EP300: variants seen among roughly 807,000 people sequenced by gnomAD.
The protein encoded by EP300 is EP300 lysine acetyltransferase, also known as histone acetyltransferase p300.
EP300 carries 31 observed loss-of-function variants against 264.0 expected under a neutral mutation model. That is an observed-to-expected ratio of 0.12 (90% confidence interval 0.09 to 0.16). EP300 has a LOEUF of 0.16. Ranked by LOEUF, EP300 falls within the 10% of genes least tolerant of loss-of-function variation. The pLI is 1.00. For missense variants in EP300, 2,766 were observed against 3,052.9 expected, an observed-to-expected ratio of 0.91 and a Z score of 2.21; for synonymous variants, 1,340 against 1,045.4, an observed-to-expected ratio of 1.28 and a Z score of -5.44.
In EP300 at chr22:41,160,725, A is replaced by AAGT. The variant is rs774612000; in HGVS notation, c.3671+5_3671+7dup. On this transcript the variant is annotated splice_donor_region_variant and intron_variant, in intron 20 of 30. Transcript: ENST00000263253. ...GATGACCCTTCCCAGCCTCAAACGT[A>AAGT]AGTAACTGCATTATTTTGAAAAGTG... 2.3e-5 allele frequency: 37 copies of AAGT among 1,613,420 alleles called. No homozygotes were observed. Among genetic ancestry groups the AAGT allele is most frequent in the Admixed American group, 5.0e-5 (3 of 60,000 alleles).
chr22:41,138,372 C>G (rs1432675653), intron 8 of EP300, among the ~76,000 whole-genome samples: 1 of 152,146 alleles, frequency 6.6e-6, no homozygotes, highest in African/African-American at 2.4e-5. Flanking sequence ...CTGTGTTGGT[C>G]ACGCTGACTT....
intron 1 of EP300, among the ~76,000 whole-genome samples, chr22:41,108,322 C>T (rs1392252303): frequency 3.5e-5 from 5 of 143,338 alleles, no homozygotes; most frequent in African/African-American, 5.2e-5. Flanking sequence ...GATCATGGCT[C>T]GCTGCAACCT....
Position 41,138,660 on chromosome 22 carries a change from G to C in EP300, c.1760+870G>C, listed in dbSNP as rs2058965582. On this transcript the variant is annotated intron_variant, in intron 8 of 30. Coordinates refer to ENST00000263253, the MANE Select transcript of EP300 (RefSeq NM_001429.4). ...CATATAGAGCAAGGTAATGAAATGT[G>C]CTCAGCATCATAAAAAGGTAGAGCT... Among the ~76,000 whole-genome samples the C allele has an allele frequency of 3.3e-5, 5 of 152,274 alleles. 1 individual carries two copies. The South Asian group carries it at 1.0e-3, about 32-fold the overall frequency.
rs566376664 is a variant in EP300, at chr22:41,152,048, G to T, written c.2997+36G>T. The T allele has an allele frequency of 2.2e-4, 348 of 1,612,652 alleles. 3 individuals are homozygous for T. In the South Asian group the frequency reaches 3.7e-3, roughly 17 times the overall value. On this transcript the variant is annotated intron_variant, in intron 15 of 30. Transcript: ENST00000263253. ...GGCAATTACTGTTTGATTTGGTTAG[G>T]ACCTCAGTATAGGAACCCAAGTTTT...
chr22:41,121,461 T>TC (rs1217477928), intron 2 of EP300, among the ~76,000 whole-genome samples: 1 of 152,132 alleles, frequency 6.6e-6, no homozygotes, highest in Non-Finnish European at 1.5e-5. Context: ...ATTTTCTAAT[T>TC]CCTCAGCAGA....
At chr22:41,119,535 A>T (rs1223012061) in intron 2 of EP300, among the ~76,000 whole-genome samples, 1 of 152,186 alleles carries the variant, frequency 6.6e-6, no homozygotes, top group African/African-American at 2.4e-5. Context: ...CTTTAGGGTT[A>T]AAGTAGTGAA....
chr22:41,145,504 A>G (rs977180823), intron 10 of EP300, among the ~76,000 whole-genome samples: 9 of 152,250 alleles, frequency 5.9e-5, no homozygotes, highest in African/African-American at 1.7e-4. Flanking sequence ...CCAGGTCACT[A>G]CAGACATCTG....
intron 19 of EP300, chr22:41,159,096 C>G (rs1039388134): frequency 3.9e-5 from 6 of 154,542 alleles, no homozygotes; most frequent in African/African-American, 1.4e-4. Context: ...TTCTCCTGCC[C>G]AATCAATGGC....
intron 2 of EP300, among the ~76,000 whole-genome samples, chr22:41,122,675 G>GT (rs992844053): frequency 2.6e-4 from 38 of 146,196 alleles, no homozygotes; most frequent in Admixed American, 1.3e-3. Flanking sequence ...ACATTTTTTT[G>GT]TTTTTTTTAA....
intron 27 of EP300, 149 bp downstream of exon 27, chr22:41,170,720 G>C (rs1177138461): frequency 9.0e-6 from 8 of 883,978 alleles, no homozygotes; most frequent in South Asian, 1.7e-5. Context: ...GGAGTGCAGT[G>C]ACACGATTTT....
chr22:41,139,057 G>A lies in EP300; in HGVS notation c.1761-1083G>A, dbSNP rs138272775. ...AACCTCCCGTCTCCTGGGTTCAAGC[G>A]TTTCTCCTGTCTCATCCTCCCAAGT... On this transcript the variant is annotated intron_variant, in intron 8 of 30. Transcript: ENST00000263253. Among the ~76,000 whole-genome samples the A allele has an allele frequency of 8.5e-5, 13 of 152,116 alleles. No individual in the cohort carries two copies. In the East Asian group the frequency reaches 1.9e-3, roughly 23 times the overall value.
At chr22:41,162,569 C>T (rs1047573627) in intron 20 of EP300, among the ~76,000 whole-genome samples, 154 bp from the exon 21 acceptor site, 2 of 152,128 alleles carry the variant, frequency 1.3e-5, no homozygotes, top group East Asian at 1.9e-4. Flanking sequence ...CATAAACATG[C>T]ATTTTGTGTG....
Position 41,179,890 on chromosome 22 carries a change from A to T in EP300, c.*934A>T, listed in dbSNP as rs1372226506. The T allele has an allele frequency of 2.7e-5, 2 of 74,200 alleles. No individual in the cohort carries two copies. The highest frequency in any genetic ancestry group is 2.7e-5 in the Non-Finnish European group (1 of 37,228). The allele number at this position is 74,200 out of a possible 1,614,324, so 4.6% of individuals were successfully genotyped here. A position where few individuals can be genotyped will look rare whatever the true frequency, so the allele number is the denominator to read the frequency against. ...TACCCTACCCCCCACTCACACACAC[A>T]CACACACACACACACACACACACAC... On this transcript the variant is annotated 3_prime_UTR_variant, in exon 31 of 31. Transcript: ENST00000263253.
Position 41,131,395 on chromosome 22 carries a change from G to A in EP300, c.1290G>A (p.Leu430=), listed in dbSNP as rs1601607015. The part of the protein sequence containing the change: ...AGDKRNQQPI[L]TGAPVGLGNP... Reference sequence around the variant, plus strand: ...ATCTTTTGTCTTCTCTAGCAATTTTGACTGGAGCACCCGTTGGACTTGGAA... The same window carrying A: ...ATCTTTTGTCTTCTCTAGCAATTTTAACTGGAGCACCCGTTGGACTTGGAA... The change falls in exon 6 of 31, where the codon TTG becomes TTA. Residue 430 remains leucine, a synonymous_variant. Coordinates refer to ENST00000263253, the MANE Select transcript of EP300 (RefSeq NM_001429.4). The A allele has an allele frequency of 6.2e-7, 1 of 1,613,542 alleles. No individual in the cohort carries two copies. The highest frequency in any genetic ancestry group is 8.5e-7 in the Non-Finnish European group (1 of 1,179,964).
intron 10 of EP300, among the ~76,000 whole-genome samples, chr22:41,142,743 G>A (rs142411747): frequency 1.2e-3 from 187 of 152,168 alleles, no homozygotes; most frequent in Non-Finnish European, 2.0e-3. Context: ...ACAATTAGCC[G>A]GGCATGGTGG....
intron 1 of EP300, among the ~76,000 whole-genome samples, chr22:41,101,613 A>G (rs2145677348): frequency 6.6e-6 from 1 of 151,800 alleles, no homozygotes; most frequent in East Asian, 1.9e-4. Flanking sequence ...GGGTTTCACC[A>G]TGTTAGGCAG....
intron 1 of EP300, among the ~76,000 whole-genome samples, chr22:41,102,293 A>C (rs2058736265): frequency 6.6e-6 from 1 of 152,110 alleles, no homozygotes; most frequent in Non-Finnish European, 1.5e-5. Flanking sequence ...TTTGGGAAGT[A>C]CGTATATAGT....
intron 1 of EP300, among the ~76,000 whole-genome samples, chr22:41,106,633 T>C (rs575518075): frequency 1.8e-4 from 28 of 152,282 alleles, no homozygotes; most frequent in Middle Eastern, 3.4e-3. Context: ...TAAGTGTTTT[T>C]TGTTGTTTGT....
intron 6 of EP300, among the ~76,000 whole-genome samples, chr22:41,134,163 C>CTTTTTTTTTTTTTTTTTTTTTTTTTCT (rs11362436): frequency 9.5e-6 from 1 of 105,634 alleles, no homozygotes; most frequent in Non-Finnish European, 1.9e-5. Context: ...TCATTCTTTT[C>CTTTTTTTTTTTTTTTTTTTTTTTTTCT]TTTTTTTTTT....
Sources: allele counts gnomAD v4.1 joint callset (sites outside exome capture counted in the v4.1 genomes callset), GRCh38; gene constraint gnomAD v4.1.1; transcripts MANE v1.5; gene names NCBI Gene and HGNC (gene_info 2026-07-23, HGNC 2026-07-21).